Variants in STOX2 observed in about 807,000 individuals in gnomAD.
The protein encoded by STOX2 is storkhead box 2, also known as storkhead-box protein 2.
In STOX2, 28 loss-of-function variants were observed where a neutral mutation model predicts 60.9. The ratio of observed to expected loss-of-function variants is 0.46; its 90% CI spans 0.34 to 0.63. STOX2 has a LOEUF of 0.63. Among genes scored for constraint, STOX2 ranks in the 30% least tolerant of loss-of-function variants. The pLI is 0.01. For synonymous variants in STOX2, 472 were observed against 463.9 expected, an observed-to-expected ratio of 1.02 and a Z score of -0.22; for missense variants, 1,024 against 1,187.7, an observed-to-expected ratio of 0.86 and a Z score of 2.03.
At chr4:183,920,968 C>T (rs1405846451) in intron 1 of STOX2, among the ~76,000 whole-genome samples, 7 of 152,196 alleles carry the variant, frequency 4.6e-5, no homozygotes, top group South Asian at 4.1e-4. Flanking sequence ...AACATAATTT[C>T]GTTCATTTGC....
intron 1 of STOX2, among the ~76,000 whole-genome samples, chr4:183,908,368 T>C (rs1741677416): frequency 6.6e-6 from 1 of 152,202 alleles, no homozygotes; most frequent in Non-Finnish European, 1.5e-5. Context: ...AAAACACATA[T>C]GTACATAAAC....
chr4:183,859,235 G>C (rs1363271382), intron 1 of STOX2, among the ~76,000 whole-genome samples: 1 of 152,168 alleles, frequency 6.6e-6, no homozygotes, highest in African/African-American at 2.4e-5. Flanking sequence ...GTGTTGTAGG[G>C]TGTCACATGC....
At chr4:183,884,303 A>AT (rs11287431) in intron 1 of STOX2, among the ~76,000 whole-genome samples, 121 of 146,780 alleles carry the variant, frequency 8.2e-4, no homozygotes, top group Middle Eastern at 3.5e-3. Flanking sequence ...GTTGTCTCTA[A>AT]TTTTTTTTTT....
At chr4:183,895,561 A>G (rs549688377) in intron 1 of STOX2, among the ~76,000 whole-genome samples, 3 of 152,188 alleles carry the variant, frequency 2.0e-5, no homozygotes, top group Non-Finnish European at 4.4e-5. Context: ...TCTTCCATTC[A>G]TCACTATTTT....
chr4:183,900,492 T>C (rs1449479294), upstream of STOX2, among the ~76,000 whole-genome samples: 1 of 152,038 alleles, frequency 6.6e-6, no homozygotes, highest in Non-Finnish European at 1.5e-5. Context: ...TTAACAGGAG[T>C]TTGGAAGAAG....
chr4:184,000,930 A>T, intron 1 of STOX2, among the ~76,000 whole-genome samples: 1 of 152,332 alleles, frequency 6.6e-6, no homozygotes, highest in East Asian at 1.9e-4. Context: ...AACGCGTTCA[A>T]TGTGTGAATG....
chr4:183,980,676 AT>A (rs979583169), intron 1 of STOX2, among the ~76,000 whole-genome samples: 2 of 144,804 alleles, frequency 1.4e-5, no homozygotes, highest in African/African-American at 5.2e-5. Flanking sequence ...TTTGGAGCGA[AT>A]TTTTTTTCCT....
At chr4:183,988,604 A>C (rs1732951022) in intron 1 of STOX2, 1 of 152,604 alleles carries the variant, frequency 6.6e-6, no homozygotes, top group African/African-American at 2.4e-5. Context: ...AAAGTACCAG[A>C]TTCCTCTTGT....
intron 1 of STOX2, among the ~76,000 whole-genome samples, chr4:183,854,786 G>A (rs1297777073): frequency 1.3e-5 from 2 of 152,186 alleles, no homozygotes; most frequent in Non-Finnish European, 1.5e-5. Flanking sequence ...ACAGATTGGA[G>A]AAGTCAGCCA....
chr4:184,017,986 G>A lies in STOX2; in HGVS notation c.*702G>A, dbSNP rs1734448850. 1.3e-5 allele frequency: 2 copies of A among 152,186 alleles called. No homozygotes were observed. Among genetic ancestry groups the A allele is most frequent in the Non-Finnish European group, 2.9e-5 (2 of 68,044 alleles). 9.4% of individuals were successfully genotyped at this position (152,186 alleles called of 1,614,324 possible). On this transcript the variant is annotated 3_prime_UTR_variant, in exon 4 of 4. Transcript: ENST00000308497. ...TTGTTTTGAAGTGTCACAGATGCTTGTCTGATTTTTTTAACCTTCCGTGAT... is the reference window on the plus strand; with the variant it reads ...TTGTTTTGAAGTGTCACAGATGCTTATCTGATTTTTTTAACCTTCCGTGAT...
intron 1 of STOX2, among the ~76,000 whole-genome samples, chr4:183,938,022 G>A (rs1167572662): frequency 6.6e-6 from 1 of 152,070 alleles, no homozygotes; most frequent in East Asian, 1.9e-4. Context: ...GGGGGTGTGT[G>A]CCTGAGGTCC....
chr4:183,824,205 A>T (rs929484008), intron 1 of STOX2, among the ~76,000 whole-genome samples: 1 of 152,236 alleles, frequency 6.6e-6, no homozygotes, highest in African/African-American at 2.4e-5. Flanking sequence ...ATAAATTCAT[A>T]CTGGCCAGAA....
chr4:183,945,503 A>G (rs12502711), intron 1 of STOX2, among the ~76,000 whole-genome samples: 64,138 of 152,044 alleles, frequency 0.42, 15,024 homozygotes, highest in South Asian at 0.54. Flanking sequence ...CTGTATTTTG[A>G]GCAAAAGTTA....
At chr4:183,850,453 G>A (rs1740090853) in intron 1 of STOX2, among the ~76,000 whole-genome samples, 2 of 152,076 alleles carry the variant, frequency 1.3e-5, no homozygotes, top group Admixed American at 1.3e-4. Context: ...AAAGGGCTGG[G>A]CATGGTGGCT....
chr4:183,968,381 A>AC (rs1560910375), intron 1 of STOX2, among the ~76,000 whole-genome samples: 5 of 124,616 alleles, frequency 4.0e-5, no homozygotes, highest in African/African-American at 1.7e-4. Context: ...CACACACACA[A>AC]AGAAGAGCAT....
intron 1 of STOX2, among the ~76,000 whole-genome samples, chr4:183,880,347 A>G (rs974202653): frequency 4.6e-5 from 7 of 152,212 alleles, no homozygotes; most frequent in African/African-American, 1.7e-4. Context: ...TCAGATTTAA[A>G]AGTCTTCTTT....
intron 1 of STOX2, among the ~76,000 whole-genome samples, chr4:183,886,026 A>C (rs200336594): frequency 7.3e-5 from 11 of 150,084 alleles, no homozygotes; most frequent in African/African-American, 1.7e-4. Context: ...GCGAAGGTTC[A>C]GATGGTTGCT....
At chr4:183,992,588 A>C (rs1236996458) in intron 1 of STOX2, among the ~76,000 whole-genome samples, 1 of 152,250 alleles carries the variant, frequency 6.6e-6, no homozygotes, top group Non-Finnish European at 1.5e-5. Context: ...CATGTTCCTC[A>C]GGTGCTCTTG....
chr4:183,830,381 A>G (rs1237292642), intron 1 of STOX2, among the ~76,000 whole-genome samples: 1 of 152,112 alleles, frequency 6.6e-6, no homozygotes, highest in Non-Finnish European at 1.5e-5. Context: ...GTTTGCTACT[A>G]TGGGTGTTAT....
Sources: allele counts gnomAD v4.1 joint callset (sites outside exome capture counted in the v4.1 genomes callset), GRCh38; gene constraint gnomAD v4.1.1; transcripts MANE v1.5; gene names NCBI Gene and HGNC (gene_info 2026-07-23, HGNC 2026-07-21).